The following SPIDR variants were observed in gnomAD, a reference collection of about 807,000 sequenced individuals.
SPIDR encodes scaffold protein involved in DNA repair.
Under a neutral mutation model 104.6 loss-of-function variants are expected in SPIDR, and 93 were observed. The observed-to-expected ratio is 0.89, with a 90% CI of 0.75 to 1.06. The LOEUF (loss-of-function observed/expected upper bound fraction) is 1.06. Among genes scored for constraint, SPIDR ranks in the 50% least tolerant of loss-of-function variants. The pLI, the probability that SPIDR is intolerant of heterozygous loss-of-function variation, is 0.00. For missense variants in SPIDR, 1,154 were observed against 1,111.2 expected (o/e 1.04, Z -0.55); for synonymous variants, 431 against 416.9 (o/e 1.03, Z -0.41).
chr8:47,266,058 T>G (rs968969943), intron 1 of SPIDR, among the ~76,000 whole-genome samples: 3 of 152,044 alleles, frequency 2.0e-5, no homozygotes, highest in African/African-American at 7.2e-5. Flanking sequence ...TCTGAAGTTT[T>G]TTTTTTTTTA....
intron 8 of SPIDR, among the ~76,000 whole-genome samples, chr8:47,466,066 A>G (rs189215165): frequency 2.6e-5 from 4 of 152,252 alleles, no homozygotes; most frequent in East Asian, 1.9e-4. Flanking sequence ...CTCCCACACA[A>G]TAGTAGTGGG....
At chr8:47,299,938 T>C (rs1451406744) in intron 5 of SPIDR, among the ~76,000 whole-genome samples, 1 of 152,224 alleles carries the variant, frequency 6.6e-6, no homozygotes, top group Non-Finnish European at 1.5e-5. Context: ...TCTGCCAGGC[T>C]TTGGTATCAG....
chr8:47,269,165 C>CTT (rs1160351168), intron 1 of SPIDR, among the ~76,000 whole-genome samples: 2 of 111,812 alleles, frequency 1.8e-5, no homozygotes, highest in African/African-American at 3.8e-5. Flanking sequence ...AGACCCTCTC[C>CTT]TTTTTTTTTT....
intron 10 of SPIDR, among the ~76,000 whole-genome samples, chr8:47,632,328 C>T (rs148461578): frequency 4.5e-4 from 69 of 152,228 alleles, no homozygotes; most frequent in African/African-American, 1.6e-3. Context: ...CTAGGCTTGG[C>T]AAAATGCAAA....
chr8:47,505,160 G>A (rs1409774104), intron 8 of SPIDR, among the ~76,000 whole-genome samples: 2 of 152,200 alleles, frequency 1.3e-5, no homozygotes, highest in Admixed American at 6.5e-5. Context: ...CTTCAAGGCT[G>A]TCAGACAGGG....
chr8:47,713,746 G>T, intron 16 of SPIDR, 105 bp downstream of exon 16: 1 of 1,435,914 alleles, frequency 7.0e-7, no homozygotes, highest in Non-Finnish European at 9.4e-7. Flanking sequence ...CACCCGCTAA[G>T]TTCCAGACAC....
intron 5 of SPIDR, among the ~76,000 whole-genome samples, chr8:47,310,805 T>G (rs1289030949): frequency 6.6e-6 from 1 of 152,140 alleles, no homozygotes; most frequent in East Asian, 1.9e-4. Context: ...AAGAAAGAGT[T>G]CAGAGGTGTA....
intron 5 of SPIDR, among the ~76,000 whole-genome samples, chr8:47,311,868 A>G (rs1303256953): frequency 6.6e-6 from 1 of 151,754 alleles, no homozygotes; most frequent in African/African-American, 2.4e-5. Flanking sequence ...ATCCCTCCCC[A>G]CTTCCCCCAT....
intron 5 of SPIDR, among the ~76,000 whole-genome samples, chr8:47,348,154 C>A (rs1445279490): frequency 2.0e-5 from 3 of 152,108 alleles, no homozygotes; most frequent in Non-Finnish European, 2.9e-5. Context: ...TGGTGACAAA[C>A]TCTCTCAGCA....
At chr8:47,408,202 G>T (rs1161370636) in intron 7 of SPIDR, among the ~76,000 whole-genome samples, 1 of 151,916 alleles carries the variant, frequency 6.6e-6, no homozygotes, top group Non-Finnish European at 1.5e-5. Context: ...ATCTACCCTT[G>T]ACCTCCAAAA....
chr8:47,691,877 A>G (rs1406927837), intron 11 of SPIDR, among the ~76,000 whole-genome samples: 3 of 152,224 alleles, frequency 2.0e-5, no homozygotes, highest in Non-Finnish European at 4.4e-5. Context: ...TGCTGAAGCC[A>G]CTGGGCTCGC....
intron 3 of SPIDR, among the ~76,000 whole-genome samples, chr8:47,285,406 G>A (rs2038644140): frequency 1.3e-5 from 2 of 152,232 alleles, no homozygotes; most frequent in Admixed American, 1.3e-4. Flanking sequence ...TGCAGAAGCT[G>A]TTGGCAGAGA....
intron 10 of SPIDR, among the ~76,000 whole-genome samples, chr8:47,632,669 A>G (rs2067255398): frequency 1.3e-5 from 2 of 152,228 alleles, no homozygotes; most frequent in South Asian, 2.1e-4. Context: ...TACTCAGGGG[A>G]AAAGAAGGCA....
rs35880765 is a variant in SPIDR, at chr8:47,685,477, T to TTTTATTTATTTA, written c.1685+11568_1685+11579dup. Among the ~76,000 whole-genome samples the TTTTATTTATTTA allele has an allele frequency of 1.9e-3, 255 of 131,534 alleles. 2 individuals are homozygous for TTTTATTTATTTA. The highest frequency in any genetic ancestry group is 5.3e-3 in the African/African-American group (204 of 38,468). The allele number at this position is 131,534 out of a possible 152,430, so 86.3% of individuals were successfully genotyped here. On this transcript the variant is annotated intron_variant, in intron 11 of 19. Coordinates refer to ENST00000297423, the MANE Select transcript of SPIDR (RefSeq NM_001080394.4). ...TTATCTACCAGTAGGAGGTCAGTGGTTTTATTTATTTATTTATTTATTTAT... is the reference window on the plus strand; with the variant it reads ...TTATCTACCAGTAGGAGGTCAGTGGTTTTATTTATTTATTTATTTATTTATTTATTTATTTAT...
At chr8:47,595,626 G>T (rs376870814) in intron 8 of SPIDR, among the ~76,000 whole-genome samples, 185 bp from the exon 9 acceptor site, 1 of 152,208 alleles carries the variant, frequency 6.6e-6, no homozygotes, top group African/African-American at 2.4e-5. Context: ...GCTTTCACTA[G>T]AACAGTGAAG....
intron 7 of SPIDR, among the ~76,000 whole-genome samples, chr8:47,426,260 A>C (rs2066394600): frequency 6.6e-6 from 1 of 152,194 alleles, no homozygotes; most frequent in Non-Finnish European, 1.5e-5. Flanking sequence ...TCTCAAAAAA[A>C]ACAAAGCAAA....
chr8:47,359,379 AG>A (rs2055267227), intron 5 of SPIDR, among the ~76,000 whole-genome samples: 2 of 152,154 alleles, frequency 1.3e-5, no homozygotes, highest in Non-Finnish European at 2.9e-5. Flanking sequence ...CCATGGGTCA[AG>A]GGCCCTGTTT....
Position 47,570,317 on chromosome 8 carries a change from G to C in SPIDR, c.1098-25494G>C, listed in dbSNP as rs145231040. Among the ~76,000 whole-genome samples the C allele has an allele frequency of 3.7e-3, 564 of 152,296 alleles. 15 individuals carry two copies. The highest frequency in any genetic ancestry group is 0.035 in the Admixed American group (531 of 15,302). ...GTACCAAGATCATTCAAGGGGGAAAGAATAATGGTCTTCCACAGATGGTGC... is the reference window on the plus strand; with the variant it reads ...GTACCAAGATCATTCAAGGGGGAAACAATAATGGTCTTCCACAGATGGTGC... On this transcript the variant is annotated intron_variant, in intron 8 of 19. Coordinates refer to ENST00000297423, the MANE Select transcript of SPIDR (RefSeq NM_001080394.4).
At chr8:47,378,510 C>T (rs2058942402) in intron 5 of SPIDR, among the ~76,000 whole-genome samples, 1 of 152,204 alleles carries the variant, frequency 6.6e-6, no homozygotes, top group African/African-American at 2.4e-5. Flanking sequence ...AGATTTTACT[C>T]TCTTATTCTT....
Sources: gnomAD v4.1 joint callset for allele counts (sites outside exome capture counted in the v4.1 genomes callset) on GRCh38, gnomAD v4.1.1 for gene constraint, MANE v1.5 for transcripts, NCBI Gene and HGNC (gene_info 2026-07-23, HGNC 2026-07-21) for gene names.